The following TENM2 variants were observed in gnomAD, a reference collection of about 807,000 sequenced individuals.
TENM2 encodes the protein teneurin-2.
Under a neutral mutation model 245.2 loss-of-function variants are expected in TENM2, and 52 were observed. The observed-to-expected ratio is 0.21, with a 90% CI of 0.17 to 0.27. The LOEUF is 0.27. TENM2 is among the 10% of genes least tolerant of loss of function. The probability of loss-of-function intolerance (pLI) is 1.00; values close to 1 mark genes in which losing one functional copy is unlikely to be tolerated. For missense variants in TENM2, 3,046 were observed against 3,666.8 expected (o/e 0.83, Z 4.37); for synonymous variants, 1,363 against 1,438.9 (o/e 0.95, Z 1.19).
chr5:168,171,019 G>C (rs182422319), intron 13 of TENM2, among the ~76,000 whole-genome samples: 3 of 152,328 alleles, frequency 2.0e-5, no homozygotes, highest in East Asian at 1.9e-4. Context: ...GACTGCACAA[G>C]TGCAAAGATT....
intron 1 of TENM2, among the ~76,000 whole-genome samples, chr5:167,288,731 A>C (rs1474600905): frequency 6.6e-6 from 1 of 152,182 alleles, no homozygotes; most frequent in Non-Finnish European, 1.5e-5. Context: ...ACTGAGTCAG[A>C]GAGAGATTAA....
intron 2 of TENM2, among the ~76,000 whole-genome samples, chr5:167,380,048 A>C (rs1761005013): frequency 6.6e-6 from 1 of 152,054 alleles, no homozygotes; most frequent in Admixed American, 6.6e-5. Context: ...CATTATAAAG[A>C]AGAGTATGAA....
intron 25 of TENM2, 64 bp downstream of exon 27, chr5:168,228,194 C>T (rs1764413434): frequency 7.5e-7 from 1 of 1,341,080 alleles, no homozygotes; most frequent in Non-Finnish European, 1.1e-6. Flanking sequence ...CCTCACAGAG[C>T]TGAGAAAGTT....
At chr5:167,674,089 T>A (rs1036035880) in intron 2 of TENM2, among the ~76,000 whole-genome samples, 6 of 152,146 alleles carry the variant, frequency 3.9e-5, no homozygotes, top group Non-Finnish European at 8.8e-5. Context: ...TGACTAGAAT[T>A]TCTCCATTAC....
chr5:166,988,643 A>C, the TENM2 span, among the ~76,000 whole-genome samples: 3 of 152,358 alleles, frequency 2.0e-5, no homozygotes, highest in Non-Finnish European at 2.9e-5. Flanking sequence ...AATGTGTTAG[A>C]AGGATATTGA....
the TENM2 span, among the ~76,000 whole-genome samples, chr5:167,109,050 G>A: frequency 3.9e-4 from 60 of 152,156 alleles, no homozygotes; most frequent in Non-Finnish European, 7.6e-4. Context: ...GGCAATTAAC[G>A]TTGAAACCTT....
intron 2 of TENM2, among the ~76,000 whole-genome samples, chr5:167,749,313 A>T (rs1036168254): frequency 1.3e-5 from 2 of 152,214 alleles, no homozygotes; most frequent in Admixed American, 1.3e-4. Flanking sequence ...AAAGATGTTC[A>T]TATATCCACA....
intron 1 of TENM2, among the ~76,000 whole-genome samples, chr5:167,329,658 T>C (rs1326342379): frequency 2.6e-5 from 4 of 151,112 alleles, no homozygotes; most frequent in African/African-American, 4.9e-5. Flanking sequence ...TGGGTAGACA[T>C]TGGAATTAGG....
chr5:167,309,805 G>A (rs1038095515), intron 1 of TENM2: 1 of 152,140 alleles, frequency 6.6e-6, no homozygotes, highest in African/African-American at 2.4e-5. Flanking sequence ...ATACCATAGA[G>A]AAATGACCTG....
intron 7 of TENM2, among the ~76,000 whole-genome samples, chr5:168,069,384 C>A (rs1790786716): frequency 6.6e-6 from 1 of 152,176 alleles, no homozygotes; most frequent in South Asian, 2.1e-4. Flanking sequence ...ATTGAAGCCC[C>A]TCTCAGTAAG....
the TENM2 span, among the ~76,000 whole-genome samples, chr5:167,182,764 C>A: frequency 6.6e-6 from 1 of 152,118 alleles, no homozygotes; most frequent in South Asian, 2.1e-4. Flanking sequence ...CCAGATCCCA[C>A]TCCTCCACTG....
chr5:167,524,441 A>G (rs1770971997), intron 2 of TENM2, among the ~76,000 whole-genome samples: 1 of 152,136 alleles, frequency 6.6e-6, no homozygotes, highest in Non-Finnish European at 1.5e-5. Flanking sequence ...TATTATCTTT[A>G]TTATTACCAA....
At chr5:167,803,153 G>T (rs986253253) in intron 2 of TENM2, among the ~76,000 whole-genome samples, 1 of 152,106 alleles carries the variant, frequency 6.6e-6, no homozygotes, top group Non-Finnish European at 1.5e-5. Context: ...CTCTTACACA[G>T]TGAACACCAA....
At chr5:167,810,687 A>G (rs774031981) in intron 2 of TENM2, among the ~76,000 whole-genome samples, 2 of 152,102 alleles carry the variant, frequency 1.3e-5, no homozygotes, top group Non-Finnish European at 2.9e-5. Context: ...AATGTGTGCA[A>G]CTTCAGGGAG....
chr5:167,372,060 T>C (rs1317651587), intron 1 of TENM2, among the ~76,000 whole-genome samples: 1 of 152,098 alleles, frequency 6.6e-6, no homozygotes, highest in African/African-American at 2.4e-5. Context: ...AGTGAACCTG[T>C]TGGAAAGTGA....
intron 5 of TENM2, among the ~76,000 whole-genome samples, chr5:168,012,774 G>GAAAAA (rs3056563): frequency 1.9e-4 from 14 of 74,274 alleles, no homozygotes; most frequent in African/African-American, 6.2e-4. Flanking sequence ...AAGAACAACT[G>GAAAAA]AAAAAAAAAA....
chr5:168,109,699 G>T (rs765538546), intron 9 of TENM2, among the ~76,000 whole-genome samples: 10 of 152,202 alleles, frequency 6.6e-5, no homozygotes, highest in African/African-American at 2.4e-4. Flanking sequence ...AGGGTCCCCA[G>T]ATGACTCCCA....
chr5:167,325,909 G>A (rs1489762994), intron 1 of TENM2, among the ~76,000 whole-genome samples: 1 of 152,148 alleles, frequency 6.6e-6, no homozygotes, highest in Non-Finnish European at 1.5e-5. Context: ...ATGGTGAGTT[G>A]TTAAGGAAAA....
At chr5:167,041,511 G>C in the TENM2 span, among the ~76,000 whole-genome samples, 2 of 152,108 alleles carry the variant, frequency 1.3e-5, no homozygotes, top group Middle Eastern at 3.2e-3. Flanking sequence ...TTACCTAATA[G>C]GCAAACTGTG....
Sources: allele counts gnomAD v4.1 joint callset (sites outside exome capture counted in the v4.1 genomes callset), GRCh38; gene constraint gnomAD v4.1.1; transcripts MANE v1.5; gene names NCBI Gene and HGNC (gene_info 2026-07-23, HGNC 2026-07-21).